Variants in GASK1A observed in about 807,000 individuals in gnomAD.
The protein encoded by GASK1A is Golgi-associated kinase 1A.
GASK1A carries 40 observed loss-of-function variants against 41.2 expected under a neutral mutation model. The observed-to-expected ratio is 0.97, with a 90% CI of 0.75 to 1.27. The LOEUF (loss-of-function observed/expected upper bound fraction) is 1.27. Ranked by LOEUF, GASK1A falls within the 50% of genes most tolerant of loss-of-function variation. GASK1A has a pLI of 0.00. For synonymous variants in GASK1A, 316 were observed against 307.1 expected, an observed-to-expected ratio of 1.03 and a Z score of -0.30; for missense variants, 678 against 745.1, an observed-to-expected ratio of 0.91 and a Z score of 1.05.
chr3:42,986,148 A>G (rs2089308238), intron 1 of GASK1A, among the ~76,000 whole-genome samples: 1 of 152,260 alleles, frequency 6.6e-6, no homozygotes. Flanking sequence ...TCAGCAATAG[A>G]AAAGAACCAT....
At chr3:43,016,159 G>A (rs1248950786) in intron 1 of GASK1A, among the ~76,000 whole-genome samples, 1 of 151,054 alleles carries the variant, frequency 6.6e-6, no homozygotes, top group Non-Finnish European at 1.5e-5. Flanking sequence ...AAGTGGCTGT[G>A]TGACGTTACA....
intron 3 of GASK1A, among the ~76,000 whole-genome samples, chr3:43,055,192 G>A (rs920540026): frequency 2.0e-5 from 3 of 152,198 alleles, no homozygotes; most frequent in Non-Finnish European, 2.9e-5. Flanking sequence ...CTGTAAAATA[G>A]GGCTAACACT....
chr3:43,032,349 C>CT lies in GASK1A; in HGVS notation c.87dup (p.Val30CysfsTer64), dbSNP rs1421290860. 1 of 1,551,326 alleles carries CT rather than the reference C, an allele frequency of 6.4e-7. No homozygotes were observed. The highest frequency in any genetic ancestry group is 8.7e-7 in the Non-Finnish European group (1 of 1,146,810). On this transcript the variant is annotated frameshift_variant, in exon 2 of 5. Transcript: ENST00000430121. LOFTEE classifies it high-confidence loss of function. Reference sequence around the variant, plus strand: ...CTCTTGATGATCCTATCTGCGATGGCTGTCACCCGCTTTCCCCCACAGCGT... The same window carrying CT: ...CTCTTGATGATCCTATCTGCGATGGCTTGTCACCCGCTTTCCCCCACAGCGT...
intron 1 of GASK1A, among the ~76,000 whole-genome samples, chr3:42,992,979 C>T (rs1298099921): frequency 6.6e-6 from 1 of 152,214 alleles, no homozygotes; most frequent in Non-Finnish European, 1.5e-5. Context: ...GAACATTCAG[C>T]AGTCTATGAG....
chr3:42,981,844 C>T (rs2089284241), intron 1 of GASK1A, among the ~76,000 whole-genome samples: 1 of 152,130 alleles, frequency 6.6e-6, no homozygotes, highest in African/African-American at 2.4e-5. Context: ...ACATATATCA[C>T]ATGCTATATC....
chr3:43,045,927 T>G (rs2089660421), intron 2 of GASK1A, among the ~76,000 whole-genome samples: 1 of 152,210 alleles, frequency 6.6e-6, no homozygotes, highest in Non-Finnish European at 1.5e-5. Flanking sequence ...CTTCATCTTC[T>G]GCCATAATTG....
chr3:42,996,761 G>C (rs901776382), intron 1 of GASK1A, among the ~76,000 whole-genome samples: 4 of 152,232 alleles, frequency 2.6e-5, no homozygotes, highest in Admixed American at 2.6e-4. Context: ...ACTGGAGAAA[G>C]GTCATGGTCC....
intron 1 of GASK1A, among the ~76,000 whole-genome samples, chr3:42,991,730 G>A (rs919395319): frequency 8.5e-5 from 13 of 152,334 alleles, no homozygotes; most frequent in Admixed American, 7.2e-4. Flanking sequence ...GGGACATTTG[G>A]ATGTCTGTGC....
At chr3:43,047,818 G>A (rs1242168784) in intron 2 of GASK1A, among the ~76,000 whole-genome samples, 1 of 152,138 alleles carries the variant, frequency 6.6e-6, no homozygotes. Flanking sequence ...ATATGGAGCT[G>A]CTAAATCCAC....
intron 2 of GASK1A, chr3:43,037,026 G>A: frequency 2.2e-6 from 1 of 453,406 alleles, no homozygotes; most frequent in Non-Finnish European, 4.0e-6. Flanking sequence ...ACTAACACAT[G>A]AGGCAAGGGT....
At chr3:43,042,726 G>A (rs1287755031) in intron 2 of GASK1A, among the ~76,000 whole-genome samples, 1 of 152,006 alleles carries the variant, frequency 6.6e-6, no homozygotes, top group Non-Finnish European at 1.5e-5. Flanking sequence ...AATTTAGGAG[G>A]CTCCACAGAT....
chr3:43,006,036 G>A (rs773715268), intron 1 of GASK1A, among the ~76,000 whole-genome samples: 3 of 151,596 alleles, frequency 2.0e-5, no homozygotes, highest in Non-Finnish European at 4.4e-5. Context: ...TCCTTTCCTG[G>A]GCACCTTTCT....
At chr3:43,004,827 T>C (rs956970144) in intron 1 of GASK1A, among the ~76,000 whole-genome samples, 2 of 152,230 alleles carry the variant, frequency 1.3e-5, no homozygotes, top group African/African-American at 4.8e-5. Flanking sequence ...TGCTAGGAAC[T>C]TGTTGGTTTA....
In GASK1A at chr3:43,025,011, G is replaced by A. The variant is rs58274626; in HGVS notation, c.4-7256G>A. Among the ~76,000 whole-genome samples, 664 of 152,240 alleles carry A rather than the reference G, an allele frequency of 4.4e-3. 6 individuals are homozygous for A. Among genetic ancestry groups the A allele is most frequent in the African/African-American group, 0.015 (617 of 41,536 alleles). ...GAGGAGGGGTCTATTTCAGGCAGAA[G>A]GATCAACACATATAAAGGTGTGGAG... is the stretch of plus-strand genomic sequence containing the variant. On this transcript the variant is annotated intron_variant, in intron 1 of 4. Transcript: ENST00000430121.
Position 43,055,467 on chromosome 3 carries a change from C to T in GASK1A, c.1449C>T (p.Ile483=), listed in dbSNP as rs768793607. 18 of 1,551,706 alleles carry T rather than the reference C, an allele frequency of 1.2e-5. No homozygotes were observed. The highest frequency in any genetic ancestry group is 5.9e-5 in the South Asian group (5 of 84,060). ...RSSDPSHLVY[I]DNAGNLQHPE... Reference sequence around the variant, plus strand: ...GCGATCCATCTCACCTGGTCTACATCGATAACGCTGGCAACCTTCAGCACC... The same window carrying T: ...GCGATCCATCTCACCTGGTCTACATTGATAACGCTGGCAACCTTCAGCACC... Residue 483 remains isoleucine (I), a synonymous_variant, in exon 4 of 5, where the codon ATC becomes ATT. Transcript: ENST00000430121.
chr3:43,021,227 T>A (rs565460146), intron 1 of GASK1A, among the ~76,000 whole-genome samples: 72 of 152,206 alleles, frequency 4.7e-4, no homozygotes, highest in Non-Finnish European at 8.4e-4. Context: ...GAATCTGTCT[T>A]CTCCTTTAAC....
At chr3:42,991,709 G>A (rs1030916876) in intron 1 of GASK1A, among the ~76,000 whole-genome samples, 6 of 152,180 alleles carry the variant, frequency 3.9e-5, no homozygotes, top group East Asian at 1.9e-4. Flanking sequence ...AGGCTGTAAC[G>A]GCCAGTGAAT....
At chr3:43,019,807 C>T (rs1195633886) in intron 1 of GASK1A, among the ~76,000 whole-genome samples, 6 of 151,958 alleles carry the variant, frequency 3.9e-5, no homozygotes, top group African/African-American at 1.5e-4. Context: ...CATGGCTTCC[C>T]TCTACCCCTT....
intron 1 of GASK1A, among the ~76,000 whole-genome samples, chr3:43,025,734 G>A (rs2089544106): frequency 6.6e-6 from 1 of 152,248 alleles, no homozygotes; most frequent in Non-Finnish European, 1.5e-5. Context: ...TTGGAAAAAG[G>A]TCGTTGCTCT....
Sources: allele counts gnomAD v4.1 joint callset (sites outside exome capture counted in the v4.1 genomes callset), GRCh38; gene constraint gnomAD v4.1.1; transcripts MANE v1.5; gene names NCBI Gene and HGNC (gene_info 2026-07-23, HGNC 2026-07-21).